Variants in LARS1 observed in about 807,000 individuals in gnomAD.
LARS1 encodes leucine--tRNA ligase, cytoplasmic.
Under a neutral mutation model 162.8 loss-of-function variants are expected in LARS1, and 100 were observed. That is an observed-to-expected ratio of 0.61 (90% confidence interval 0.52 to 0.73). The LOEUF (loss-of-function observed/expected upper bound fraction) is 0.73. Among genes scored for constraint, LARS1 ranks in the 30% least tolerant of loss-of-function variants. The pLI is 0.00. For synonymous variants in LARS1, 457 were observed against 462.8 expected (o/e 0.99, Z 0.16); for missense variants, 1,258 against 1,408.9 (o/e 0.89, Z 1.71).
In LARS1 at chr5:146,171,951, G is replaced by C; in HGVS notation, c.253C>G (p.Leu85Val). ...GYQRLKGKCC[L>V]FPFGLHCTGM... Reference sequence around the variant, plus strand: ...GTACAGTGCAGGCCAAAGGGAAACAGACAACATTTTCCTTTCAATCGCTGG... The same window carrying C: ...GTACAGTGCAGGCCAAAGGGAAACACACAACATTTTCCTTTCAATCGCTGG... The change falls in exon 4 of 32, where the codon CTG (leucine) becomes GTG (valine). Residue 85 changes from leucine to valine, a missense_variant. Transcript: ENST00000394434. 6.2e-7 allele frequency: 1 copy of C among 1,613,952 alleles called. No individual in the cohort carries two copies. The highest frequency in any genetic ancestry group is 8.5e-7 in the Non-Finnish European group (1 of 1,179,884).
At chr5:146,159,367 A>G in intron 8 of LARS1, 40 bp downstream of exon 8, 6 of 1,484,314 alleles carry the variant, frequency 4.0e-6, no homozygotes, top group Non-Finnish European at 4.7e-6. Context: ...AGTCTTATTA[A>G]GGATTATTAT....
At chr5:146,154,722 G>A (rs1014658492) in intron 10 of LARS1, among the ~76,000 whole-genome samples, 1 of 152,128 alleles carries the variant, frequency 6.6e-6, no homozygotes, top group Admixed American at 6.6e-5. Context: ...AGGTTGTAGT[G>A]AGCCAAGATC....
chr5:146,135,624 G>T lies in LARS1; in HGVS notation c.2189C>A (p.Ala730Asp). The T allele has an allele frequency of 1.9e-6, 3 of 1,604,236 alleles. No individual in the cohort carries two copies. Among genetic ancestry groups the T allele is most frequent in the Non-Finnish European group, 2.5e-6 (3 of 1,176,958 alleles). The change falls in exon 22 of 32, where the codon GCT becomes GAT. Residue 730 changes from alanine to aspartate, a missense_variant. By Grantham distance (126) the Ala-to-Asp change is moderately radical. Transcript: ENST00000394434. ...STGNFLTLTQ[A>D]IDKFSADGMR... is the part of the protein sequence containing the mutation. ...ACCATCTGCTGAAAATTTGTCAATAGCTTGGGTCAAAGTGAGGAAGTTGCC... is the reference window on the plus strand; with the variant it reads ...ACCATCTGCTGAAAATTTGTCAATATCTTGGGTCAAAGTGAGGAAGTTGCC...
intron 26 of LARS1, 71 bp downstream of exon 26, chr5:146,128,907 A>G (rs879181858): frequency 1.4e-6 from 2 of 1,463,468 alleles, no homozygotes; most frequent in Non-Finnish European, 1.9e-6. Flanking sequence ...AACTTTCATT[A>G]TTGTTAAATG....
At chr5:146,167,210 A>T (rs1754050592) in intron 5 of LARS1, among the ~76,000 whole-genome samples, 1 of 152,220 alleles carries the variant, frequency 6.6e-6, no homozygotes, top group East Asian at 1.9e-4. Context: ...AGAAAAGGAC[A>T]TTAGTGAAAA....
intron 31 of LARS1, among the ~76,000 whole-genome samples, chr5:146,118,392 G>A (rs557803847): frequency 1.3e-5 from 2 of 152,174 alleles, no homozygotes; most frequent in African/African-American, 4.8e-5. Flanking sequence ...GAAGGAGGTT[G>A]GTCAACAGGT....
chr5:146,145,805 CAA>C (rs1228471811), intron 15 of LARS1, among the ~76,000 whole-genome samples: 2 of 152,090 alleles, frequency 1.3e-5, no homozygotes, highest in African/African-American at 4.8e-5. Context: ...AACTCCCTCT[CAA>C]AATTCCAATA....
At chr5:146,168,371 A>G in intron 4 of LARS1, 106 bp from the exon 5 acceptor site, 1 of 1,195,988 alleles carries the variant, frequency 8.4e-7, no homozygotes, top group South Asian at 1.6e-5. Flanking sequence ...ATTTTTTGCA[A>G]TATATTGATA....
intron 4 of LARS1, 128 bp from the exon 5 acceptor site, chr5:146,168,393 C>T: frequency 4.3e-6 from 4 of 928,064 alleles, no homozygotes; most frequent in Admixed American, 2.9e-5. Context: ...CTATGTGGCT[C>T]CACTACAGAA....
chr5:146,124,924 C>T (rs527368251), intron 28 of LARS1, among the ~76,000 whole-genome samples: 20 of 151,926 alleles, frequency 1.3e-4, no homozygotes, highest in African/African-American at 4.3e-4. Flanking sequence ...TATATTACCA[C>T]TCAAACGGTC....
Position 146,120,458 on chromosome 5 carries a change from G to A in LARS1, c.3238C>T (p.His1080Tyr). Residue 1080 changes from histidine to tyrosine, a missense_variant, in exon 31 of 32, where the codon CAC becomes TAC. Coordinates refer to ENST00000394434, the MANE Select transcript of LARS1 (RefSeq NM_020117.11). ...SLVNPQPSNG[H>Y]FSTKIEIRQG... Reference sequence around the variant, plus strand: ...CTGATTTCAATTTTGGTTGAGAAGTGGCCATTGGATGGCTGGGGATTCACC... The same window carrying A: ...CTGATTTCAATTTTGGTTGAGAAGTAGCCATTGGATGGCTGGGGATTCACC... 1.2e-6 allele frequency: 2 copies of A among 1,613,174 alleles called. No homozygotes were observed. Among genetic ancestry groups the A allele is most frequent in the Non-Finnish European group, 1.7e-6 (2 of 1,179,350 alleles).
At chr5:146,136,668 G>A (rs1395148511) in intron 21 of LARS1, among the ~76,000 whole-genome samples, 1 of 151,932 alleles carries the variant, frequency 6.6e-6, no homozygotes, top group East Asian at 1.9e-4. Context: ...TGTTAGTAGA[G>A]ACGGGGTTTC....
chr5:146,159,223 T>A (rs1232628970), intron 8 of LARS1, among the ~76,000 whole-genome samples, 184 bp downstream of exon 8: 1 of 152,194 alleles, frequency 6.6e-6, no homozygotes, highest in Non-Finnish European at 1.5e-5. Flanking sequence ...ACTCTTAGGA[T>A]AGCTAGGTAC....
chr5:146,162,648 G>A lies in LARS1; in HGVS notation c.594+1662C>T, dbSNP rs950562495. ...AGCCTCTAACAAGAATCAGCCCATC[G>A]TTTAAGCCAGACACTGACTTCTCTC... On this transcript the variant is annotated intron_variant, in intron 6 of 31. Transcript: ENST00000394434. 7.9e-5 allele frequency among the ~76,000 whole-genome samples: 12 copies of A among 152,178 alleles called. No homozygotes were observed. In the East Asian group the frequency reaches 9.6e-4, roughly 12 times the overall value.
rs139590141 is a variant in LARS1, at chr5:146,114,833, C to T, written c.3326-522G>A. Among the ~76,000 whole-genome samples, 1,185 of 151,996 alleles carry T rather than the reference C, an allele frequency of 7.8e-3. 14 individuals carry two copies. The highest frequency in any genetic ancestry group is 0.027 in the African/African-American group (1,127 of 41,440). On this transcript the variant is annotated intron_variant, in intron 31 of 31. Coordinates refer to ENST00000394434, the MANE Select transcript of LARS1 (RefSeq NM_020117.11). Reference sequence around the variant, plus strand: ...GGCTGAGGTGGGCAGATCGCGAGGTCCGGAGATCGAGACCATCCTGACCAA... The same window carrying T: ...GGCTGAGGTGGGCAGATCGCGAGGTTCGGAGATCGAGACCATCCTGACCAA...
intron 23 of LARS1, 28 bp downstream of exon 23, chr5:146,132,870 C>T: frequency 1.3e-6 from 2 of 1,561,202 alleles, no homozygotes; most frequent in South Asian, 1.2e-5. Context: ...AACTCTAAAA[C>T]ACAAAATGAT....
chr5:146,177,491 T>C (rs1286256695), intron 2 of LARS1, 56 bp downstream of exon 2: 2 of 145,576 alleles, frequency 1.4e-5, no homozygotes, highest in Non-Finnish European at 2.7e-5. Context: ...AAAATATATA[T>C]ATATATATAT....
chr5:146,152,152 G>A, intron 13 of LARS1, 150 bp from the exon 14 acceptor site: 1 of 849,506 alleles, frequency 1.2e-6, no homozygotes, highest in East Asian at 2.6e-5. Context: ...ATCACAGAGT[G>A]ACTAACTTCC....
chr5:146,150,888 G>A (rs796533343), intron 14 of LARS1, among the ~76,000 whole-genome samples: 33 of 150,938 alleles, frequency 2.2e-4, no homozygotes, highest in African/African-American at 7.8e-4. Flanking sequence ...GCAGTGAGCT[G>A]AGATTGAGCC....
Sources: allele counts gnomAD v4.1 joint callset (sites outside exome capture counted in the v4.1 genomes callset), GRCh38; gene constraint gnomAD v4.1.1; transcripts MANE v1.5; gene names NCBI Gene and HGNC (gene_info 2026-07-23, HGNC 2026-07-21).